Variants in BMPER observed in about 807,000 individuals in gnomAD.
BMPER encodes the protein BMP binding endothelial regulator.
A neutral mutation model predicts 87.3 loss-of-function variants in BMPER; 45 were observed. That is an observed-to-expected ratio of 0.52 (90% CI 0.41 to 0.66). The LOEUF (loss-of-function observed/expected upper bound fraction) is 0.66, where lower values mean the gene tolerates loss of function less well. BMPER is among the 30% of genes least tolerant of loss of function. BMPER has a pLI of 0.00. For synonymous variants in BMPER, 326 were observed against 316.2 expected, an observed-to-expected ratio of 1.03 and a Z score of -0.33; for missense variants, 784 against 867.5, an observed-to-expected ratio of 0.90 and a Z score of 1.21.
At chr7:33,963,677 C>G (rs997093127) in intron 3 of BMPER, among the ~76,000 whole-genome samples, 2 of 152,028 alleles carry the variant, frequency 1.3e-5, no homozygotes, top group African/African-American at 4.8e-5. Flanking sequence ...GCCTGTAATC[C>G]CACCTACTCA....
intron 11 of BMPER, 109 bp from the exon 12 acceptor site, chr7:34,078,748 C>T (rs1352464317): frequency 1.8e-6 from 2 of 1,127,832 alleles, no homozygotes; most frequent in Non-Finnish European, 2.7e-6. Flanking sequence ...GTTGATTTCC[C>T]TTAGTGCATT....
chr7:33,965,015 C>G (rs79470215), intron 3 of BMPER, among the ~76,000 whole-genome samples: 2 of 152,052 alleles, frequency 1.3e-5, no homozygotes, highest in South Asian at 4.2e-4. Flanking sequence ...CTTGTAAGCG[C>G]GTTTGTTCAG....
intron 2 of BMPER, among the ~76,000 whole-genome samples, chr7:33,936,999 G>A (rs1784618216): frequency 6.6e-6 from 1 of 152,182 alleles, no homozygotes; most frequent in African/African-American, 2.4e-5. Context: ...CTTAGAATCT[G>A]AAGGAGCGGG....
chr7:34,010,416 A>G (rs1786846941), intron 6 of BMPER, among the ~76,000 whole-genome samples: 1 of 151,990 alleles, frequency 6.6e-6, no homozygotes, highest in Non-Finnish European at 1.5e-5. Context: ...GTTGTATGAG[A>G]TGATATTTAG....
At chr7:33,991,888 C>G (rs1348403103) in intron 6 of BMPER, among the ~76,000 whole-genome samples, 1 of 142,216 alleles carries the variant, frequency 7.0e-6, no homozygotes, top group Non-Finnish European at 1.5e-5. Context: ...AGTAGTCATT[C>G]AGGAGCAGGT....
chr7:33,939,069 T>C (rs1219642665), intron 3 of BMPER, among the ~76,000 whole-genome samples: 3 of 152,038 alleles, frequency 2.0e-5, no homozygotes, highest in East Asian at 3.9e-4. Context: ...GACAATTGTG[T>C]TGGAGGGACC....
At chr7:33,952,688 T>C (rs578166422) in intron 3 of BMPER, among the ~76,000 whole-genome samples, 20 of 152,356 alleles carry the variant, frequency 1.3e-4, no homozygotes, top group Non-Finnish European at 8.8e-5. Flanking sequence ...TTAAAAATGA[T>C]CATGATGCTG....
chr7:34,148,228 G>A (rs944222510), intron 14 of BMPER, among the ~76,000 whole-genome samples: 3 of 152,074 alleles, frequency 2.0e-5, no homozygotes, highest in Non-Finnish European at 4.4e-5. Context: ...CCCTGTCATT[G>A]TCTGTCTGAC....
intron 6 of BMPER, among the ~76,000 whole-genome samples, chr7:34,010,563 A>G (rs1167028925): frequency 6.6e-6 from 1 of 151,912 alleles, no homozygotes; most frequent in Non-Finnish European, 1.5e-5. Context: ...AAAGTAAACC[A>G]TCTTCATTTC....
chr7:33,980,126 C>T (rs1785811701), intron 6 of BMPER, among the ~76,000 whole-genome samples: 1 of 152,204 alleles, frequency 6.6e-6, no homozygotes, highest in East Asian at 1.9e-4. Context: ...CATCATGACT[C>T]ACTCAGAAAA....
intron 2 of BMPER, among the ~76,000 whole-genome samples, chr7:33,920,646 G>A (rs1269572812): frequency 2.0e-5 from 3 of 151,834 alleles, no homozygotes; most frequent in Admixed American, 6.6e-5. Context: ...GGCTGGTCTT[G>A]AACTCCTGAC....
chr7:33,977,303 G>T (rs558831790), intron 6 of BMPER, among the ~76,000 whole-genome samples: 1 of 152,144 alleles, frequency 6.6e-6, no homozygotes, highest in African/African-American at 2.4e-5. Flanking sequence ...TGTCTTGGCA[G>T]CAAATGGCCC....
At chr7:33,970,306 G>T in intron 4 of BMPER, 23 bp from the exon 5 acceptor site, 1 of 1,608,288 alleles carries the variant, frequency 6.2e-7, no homozygotes, top group Non-Finnish European at 8.5e-7. Context: ...GGCTGACTTT[G>T]CTTGTTTTGT....
intron 13 of BMPER, among the ~76,000 whole-genome samples, chr7:34,100,113 A>G (rs1466912329): frequency 3.3e-5 from 5 of 152,128 alleles, no homozygotes; most frequent in Non-Finnish European, 7.3e-5. Flanking sequence ...AATGCTAGGC[A>G]CTGTGCTCTG....
At chr7:34,091,515 G>T (rs1789379627) in intron 13 of BMPER, among the ~76,000 whole-genome samples, 1 of 152,162 alleles carries the variant, frequency 6.6e-6, no homozygotes, top group Admixed American at 6.5e-5. Context: ...GCTGACACCA[G>T]GTGGCAGTAG....
At chr7:34,013,304 C>A (rs1786930700) in intron 6 of BMPER, among the ~76,000 whole-genome samples, 1 of 151,744 alleles carries the variant, frequency 6.6e-6, no homozygotes. Flanking sequence ...CCCCCACTCA[C>A]TGAGTCCTAT....
chr7:34,109,602 A>G (rs1562749657), intron 13 of BMPER, among the ~76,000 whole-genome samples: 1 of 152,188 alleles, frequency 6.6e-6, no homozygotes. Context: ...TAATAAACAA[A>G]ATAGTAAAAA....
At position 34,106,536 on chromosome 7, in the gene BMPER, A is replaced by G. The variant is rs186138433; in HGVS notation, c.1745+20444A>G. Reference sequence around the variant, plus strand: ...CCTTGCCATTCTCAATTCCCTATAGAGTCTGAGGACCTCATTCCCCCAAGC... The same window carrying G: ...CCTTGCCATTCTCAATTCCCTATAGGGTCTGAGGACCTCATTCCCCCAAGC... On this transcript the variant is annotated intron_variant, in intron 13 of 14. Coordinates refer to ENST00000649409, the MANE Select transcript of BMPER (RefSeq NM_001365308.1). 3.0e-3 allele frequency among the ~76,000 whole-genome samples: 458 copies of G among 152,256 alleles called. 2 individuals are homozygous for G. Among genetic ancestry groups the G allele is most frequent in the Non-Finnish European group, 4.6e-3 (316 of 68,018 alleles).
chr7:34,055,617 A>G (rs773636456), intron 9 of BMPER, among the ~76,000 whole-genome samples: 3 of 152,304 alleles, frequency 2.0e-5, no homozygotes, highest in South Asian at 2.1e-4. Context: ...GAGATGCTCA[A>G]TGACATTTGT....
Sources: allele counts gnomAD v4.1 joint callset (sites outside exome capture counted in the v4.1 genomes callset), GRCh38; gene constraint gnomAD v4.1.1; transcripts MANE v1.5; gene names NCBI Gene and HGNC (gene_info 2026-07-23, HGNC 2026-07-21).